Variants in PCDH15 observed in about 807,000 individuals in gnomAD.
PCDH15 encodes protocadherin related 15.
Under a neutral mutation model 178.5 loss-of-function variants are expected in PCDH15, and 129 were observed. The observed-to-expected ratio is 0.72, with a 90% CI of 0.63 to 0.84. The LOEUF is 0.84. PCDH15 is among the 40% of genes least tolerant of loss of function. The pLI is 0.00. For synonymous variants in PCDH15, 800 were observed against 732.0 expected, an observed-to-expected ratio of 1.09 and a Z score of -1.50; for missense variants, 2,230 against 2,099.9, an observed-to-expected ratio of 1.06 and a Z score of -1.21.
chr10:55,316,851 A>G (rs1265608448), intron 1 of PCDH15, among the ~76,000 whole-genome samples: 1 of 152,218 alleles, frequency 6.6e-6, no homozygotes, highest in East Asian at 1.9e-4. Context: ...TTCAATAAAT[A>G]GTGGCTAATA....
In PCDH15 at chr10:54,107,601, A is replaced by G. The variant is rs183662014; in HGVS notation, c.1918-17538T>C. On this transcript the variant is annotated intron_variant, in intron 15 of 37. Coordinates refer to ENST00000644397, the MANE Select transcript of PCDH15 (RefSeq NM_001384140.1). ...GGGGAGCCAAATGGACTGGCAGTGA[A>G]GGGCCAGCAAGAATTGTTAAGAGTC... 2.8e-3 allele frequency among the ~76,000 whole-genome samples: 420 copies of G among 152,252 alleles called. 3 individuals are homozygous for G. The highest frequency in any genetic ancestry group is 2.2e-3 in the Non-Finnish European group (152 of 68,006).
intron 8 of PCDH15, among the ~76,000 whole-genome samples, chr10:54,297,068 T>C (rs1020981855): frequency 6.6e-6 from 1 of 151,752 alleles, no homozygotes; most frequent in Admixed American, 6.6e-5. Flanking sequence ...GTCCAGGGAC[T>C]GTTGTGGGTG....
chr10:55,399,657 A>C (rs1588988817), intron 2 of PCDH15, among the ~76,000 whole-genome samples: 1 of 152,278 alleles, frequency 6.6e-6, no homozygotes, highest in African/African-American at 2.4e-5. Flanking sequence ...GGAATCAAGA[A>C]AATGGATTGA....
intron 6 of PCDH15, among the ~76,000 whole-genome samples, chr10:54,333,950 C>G (rs1247901280): frequency 1.3e-5 from 2 of 152,168 alleles, no homozygotes; most frequent in African/African-American, 2.4e-5. Context: ...CAGAGCAATG[C>G]CCATTTACTT....
intron 8 of PCDH15, among the ~76,000 whole-genome samples, chr10:54,273,810 C>T (rs981079162): frequency 6.6e-6 from 1 of 152,072 alleles, no homozygotes; most frequent in African/African-American, 2.4e-5. Context: ...CACTCCTGAA[C>T]CAGAGCTTGG....
chr10:54,943,719 A>G (rs1838118105), intron 2 of PCDH15, among the ~76,000 whole-genome samples: 1 of 151,952 alleles, frequency 6.6e-6, no homozygotes, highest in Non-Finnish European at 1.5e-5. Flanking sequence ...TCATGTGCAG[A>G]GCAAGTATAT....
chr10:55,299,899 G>A (rs1843228870), intron 1 of PCDH15, among the ~76,000 whole-genome samples: 1 of 152,080 alleles, frequency 6.6e-6, no homozygotes, highest in African/African-American at 2.4e-5. Flanking sequence ...AACAATGAAT[G>A]GTTAAAGAAC....
intron 2 of PCDH15, among the ~76,000 whole-genome samples, chr10:55,438,908 AT>A (rs567659885): frequency 6.6e-6 from 1 of 150,458 alleles, no homozygotes; most frequent in Non-Finnish European, 1.5e-5. Context: ...ATATTTATTT[AT>A]TTTTTTTGAG....
At chr10:54,230,627 C>A (rs2053958041) in intron 9 of PCDH15, among the ~76,000 whole-genome samples, 1 of 151,972 alleles carries the variant, frequency 6.6e-6, no homozygotes, top group African/African-American at 2.4e-5. Flanking sequence ...CTTGATAATA[C>A]CTACCACAGT....
chr10:55,249,360 A>G (rs982547892), intron 1 of PCDH15, among the ~76,000 whole-genome samples: 22 of 152,206 alleles, frequency 1.4e-4, no homozygotes, highest in African/African-American at 5.3e-4. Flanking sequence ...CTAAAATATG[A>G]CAGTAAAAGC....
Position 54,622,029 on chromosome 10 carries a change from G to C in PCDH15, c.91+42143C>G, listed in dbSNP as rs548655992. 9.2e-5 allele frequency among the ~76,000 whole-genome samples: 14 copies of C among 152,064 alleles called. No individual in the cohort carries two copies. In the South Asian group the frequency reaches 2.7e-3, roughly 29 times the overall value. On this transcript the variant is annotated intron_variant, in intron 2 of 37. Transcript: ENST00000644397. ...AGGAATGAGAATTTAAGTTTCCTTT[G>C]TGGTTTTCTGTGCTTACTAAATCAC...
At chr10:54,075,186 G>A (rs1590255275) in intron 17 of PCDH15, among the ~76,000 whole-genome samples, 1 of 151,978 alleles carries the variant, frequency 6.6e-6, no homozygotes, top group East Asian at 1.9e-4. Context: ...GACCATCCTG[G>A]CTAACACAGT....
At chr10:53,896,478 C>G (rs1227346325) in intron 26 of PCDH15, among the ~76,000 whole-genome samples, 2 of 152,142 alleles carry the variant, frequency 1.3e-5, no homozygotes, top group Non-Finnish European at 2.9e-5. Flanking sequence ...TATTGCTTCA[C>G]TCAGTCATTT....
chr10:54,442,417 TATATATATATATATA>T (rs2075859228), intron 3 of PCDH15, among the ~76,000 whole-genome samples: 673 of 60,738 alleles, frequency 0.011, 78 homozygotes, highest in African/African-American at 0.031. Context: ...TTAAAGGCTA[TATATATATATATATA>T]TATATATATA....
At chr10:54,550,357 C>A (rs547292613) in intron 2 of PCDH15, among the ~76,000 whole-genome samples, 80 of 152,182 alleles carry the variant, frequency 5.3e-4, no homozygotes, top group African/African-American at 1.9e-3. Context: ...AAAATATAAT[C>A]CCCTTTCCTG....
intron 2 of PCDH15, among the ~76,000 whole-genome samples, chr10:54,911,750 GGT>G: frequency 6.6e-6 from 1 of 152,238 alleles, no homozygotes. Flanking sequence ...AGATCTGGTT[GGT>G]TGATAAGTGT....
intron 2 of PCDH15, among the ~76,000 whole-genome samples, chr10:55,602,496 G>C (rs1431149812): frequency 6.6e-6 from 1 of 152,124 alleles, no homozygotes; most frequent in African/African-American, 2.4e-5. Flanking sequence ...CTGTCTGACA[G>C]CTTTGAAGAG....
rs553784329 is a variant in PCDH15, at chr10:55,178,424, T to C, written c.-155-11773A>G. Among the ~76,000 whole-genome samples the C allele has an allele frequency of 7.9e-5, 12 of 152,280 alleles. No homozygotes were observed. The South Asian group carries it at 2.5e-3, about 32-fold the overall frequency. On this transcript the variant is annotated intron_variant, in intron 1 of 5. Coordinates refer to the PCDH15 transcript ENST00000458638. ...CCTCAGGATGACTACAATCAGAGTA[T>C]GGCAAACTTCATCCAGCAGCTTTCA...
chr10:53,900,903 C>T (rs1021557788), intron 26 of PCDH15, among the ~76,000 whole-genome samples: 3 of 152,136 alleles, frequency 2.0e-5, no homozygotes, highest in South Asian at 4.1e-4. Context: ...ACTAGTTTAA[C>T]ATTTGGCTTA....
Sources: gnomAD v4.1 joint callset for allele counts (sites outside exome capture counted in the v4.1 genomes callset) on GRCh38, gnomAD v4.1.1 for gene constraint, MANE v1.5 for transcripts, NCBI Gene and HGNC (gene_info 2026-07-23, HGNC 2026-07-21) for gene names.